PTGIS: variants seen among roughly 807,000 people sequenced by gnomAD.
The protein encoded by PTGIS is prostaglandin I2 synthase, also known as prostacyclin synthase.
Under a neutral mutation model 50.3 loss-of-function variants are expected in PTGIS, and 45 were observed. The observed-to-expected ratio is 0.90, with a 90% CI of 0.70 to 1.15. The LOEUF is 1.15. Among genes scored for constraint, PTGIS ranks in the 50% most tolerant of loss-of-function variants. The probability of loss-of-function intolerance (pLI) is 0.00; values close to 1 mark genes in which losing one functional copy is unlikely to be tolerated. For synonymous variants in PTGIS, 260 were observed against 267.7 expected (o/e 0.97, Z 0.28); for missense variants, 668 against 661.3 (o/e 1.01, Z -0.11).
At chr20:49,534,041 T>C (rs1450406607) in intron 5 of PTGIS, among the ~76,000 whole-genome samples, 1 of 152,182 alleles carries the variant, frequency 6.6e-6, no homozygotes, top group East Asian at 1.9e-4. Flanking sequence ...CAGCTTGCTC[T>C]TTTTTGTAAC....
At chr20:49,567,962 G>A in intron 1 of PTGIS, 81 bp downstream of exon 1, 2 of 1,306,982 alleles carry the variant, frequency 1.5e-6, no homozygotes, top group East Asian at 6.2e-5. Context: ...GGCCGGCCGC[G>A]GGCTCCGAGA....
In PTGIS at chr20:49,514,415, T is replaced by C. The variant is rs761033267; in HGVS notation, c.856-20A>G. 11 of 1,611,838 alleles carry C rather than the reference T, an allele frequency of 6.8e-6. No individual in the cohort carries two copies. The highest frequency in any genetic ancestry group is 6.8e-6 in the Non-Finnish European group (8 of 1,179,622). On this transcript the variant is annotated intron_variant, in intron 6 of 9. Transcript: ENST00000244043. ...ATTCCCCTGCAAGGAGAAGGGCCCCTGTTATGCCATTATGAGGGCAGAGCT... is the reference window on the plus strand; with the variant it reads ...ATTCCCCTGCAAGGAGAAGGGCCCCCGTTATGCCATTATGAGGGCAGAGCT...
At chr20:49,529,425 C>A (rs1052693584) in intron 5 of PTGIS, among the ~76,000 whole-genome samples, 4 of 152,190 alleles carry the variant, frequency 2.6e-5, no homozygotes, top group South Asian at 4.1e-4. Flanking sequence ...TATATTGTTA[C>A]AAATGGCAGG....
intron 5 of PTGIS, among the ~76,000 whole-genome samples, chr20:49,538,023 G>A (rs1040782167): frequency 3.9e-5 from 6 of 152,156 alleles, no homozygotes; most frequent in Non-Finnish European, 7.3e-5. Context: ...GGAGACCAAC[G>A]TGGGAGGATT....
chr20:49,533,783 C>A (rs558227187), intron 5 of PTGIS, among the ~76,000 whole-genome samples: 1 of 152,076 alleles, frequency 6.6e-6, no homozygotes, highest in Non-Finnish European at 1.5e-5. Flanking sequence ...GTGATGAAAC[C>A]CCAGCTCTAC....
intron 6 of PTGIS, among the ~76,000 whole-genome samples, chr20:49,520,982 T>C (rs1459697331): frequency 6.6e-6 from 1 of 152,214 alleles, no homozygotes; most frequent in East Asian, 1.9e-4. Context: ...TTGTCTATCT[T>C]CTCCCACCAG....
chr20:49,567,458 G>A (rs530974386), intron 1 of PTGIS, among the ~76,000 whole-genome samples: 3 of 152,338 alleles, frequency 2.0e-5, no homozygotes, highest in African/African-American at 7.2e-5. Flanking sequence ...CCGTCTTCCA[G>A]ACGGGGAATC....
At chr20:49,513,571 G>T (rs893109903) in intron 7 of PTGIS, among the ~76,000 whole-genome samples, 4 of 152,008 alleles carry the variant, frequency 2.6e-5, no homozygotes, top group African/African-American at 9.7e-5. Flanking sequence ...CTGTCTGCCC[G>T]GCATATATTT....
At chr20:49,532,889 C>T (rs906028940) in intron 5 of PTGIS, among the ~76,000 whole-genome samples, 1 of 152,180 alleles carries the variant, frequency 6.6e-6, no homozygotes, top group Non-Finnish European at 1.5e-5. Context: ...ACAGAACACA[C>T]TTGGTATCGG....
chr20:49,510,555 C>A (rs1981286616), intron 9 of PTGIS, among the ~76,000 whole-genome samples: 2 of 152,052 alleles, frequency 1.3e-5, no homozygotes, highest in African/African-American at 4.8e-5. Context: ...TGTCATAACC[C>A]CTGGTCCAAT....
chr20:49,509,919 C>T (rs527539), intron 9 of PTGIS, among the ~76,000 whole-genome samples: 2 of 123,544 alleles, frequency 1.6e-5, no homozygotes, highest in African/African-American at 6.2e-5. Context: ...GACAGAGTCT[C>T]ACTCTGTCGC....
chr20:49,507,859 G>T lies in PTGIS; in HGVS notation c.*61C>A. The T allele has an allele frequency of 1.3e-6, 2 of 1,597,212 alleles. No homozygotes were observed. Among genetic ancestry groups the T allele is most frequent in the Non-Finnish European group, 1.7e-6 (2 of 1,177,066 alleles). On this transcript the variant is annotated 3_prime_UTR_variant, in exon 10 of 10. Transcript: ENST00000244043. ...AACTGTGCACACAGAAAGCTGGGAG[G>T]CTGGGGCAGGCTGGGGCAGGCTGGG...
At chr20:49,553,927 T>C (rs1982568092) in intron 1 of PTGIS, among the ~76,000 whole-genome samples, 1 of 152,150 alleles carries the variant, frequency 6.6e-6, no homozygotes, top group Non-Finnish European at 1.5e-5. Context: ...AAAGAGAATT[T>C]ATGAAAAACA....
chr20:49,559,035 G>A (rs149879159), intron 1 of PTGIS, among the ~76,000 whole-genome samples: 17 of 152,130 alleles, frequency 1.1e-4, no homozygotes, highest in Non-Finnish European at 2.2e-4. Flanking sequence ...ATTCTTAAGC[G>A]CAGGATGTTT....
chr20:49,550,450 T>C (rs938096223), intron 1 of PTGIS, among the ~76,000 whole-genome samples: 1 of 152,210 alleles, frequency 6.6e-6, no homozygotes, highest in Non-Finnish European at 1.5e-5. Flanking sequence ...GACCACAGAC[T>C]GTTTCTGTGA....
At chr20:49,529,270 C>T (rs1280597020) in intron 5 of PTGIS, among the ~76,000 whole-genome samples, 2 of 152,170 alleles carry the variant, frequency 1.3e-5, no homozygotes, top group African/African-American at 4.8e-5. Context: ...ACCCCCATTT[C>T]CCCACCTCCT....
chr20:49,566,599 T>C (rs1982906108), intron 1 of PTGIS, among the ~76,000 whole-genome samples: 1 of 152,238 alleles, frequency 6.6e-6, no homozygotes, highest in East Asian at 1.9e-4. Context: ...AAAATTCAAC[T>C]ACCATATTGT....
chr20:49,562,100 C>A (rs1320101067), intron 1 of PTGIS, among the ~76,000 whole-genome samples: 1 of 152,100 alleles, frequency 6.6e-6, no homozygotes, highest in Non-Finnish European at 1.5e-5. Flanking sequence ...GCCAGAGGGT[C>A]CAACATAGAG....
intron 1 of PTGIS, among the ~76,000 whole-genome samples, chr20:49,551,572 T>G (rs565967568): frequency 1.3e-5 from 2 of 152,288 alleles, no homozygotes; most frequent in Admixed American, 1.3e-4. Context: ...TTGATTGATA[T>G]CTCCTGTCTC....
Sources: allele counts gnomAD v4.1 joint callset (sites outside exome capture counted in the v4.1 genomes callset), GRCh38; gene constraint gnomAD v4.1.1; transcripts MANE v1.5; gene names NCBI Gene and HGNC (gene_info 2026-07-23, HGNC 2026-07-21).